The following RABGAP1L variants were observed in gnomAD, a reference collection of about 807,000 sequenced individuals.
RABGAP1L encodes rab GTPase-activating protein 1-like.
In RABGAP1L, 63 loss-of-function variants were observed where a neutral mutation model predicts 137.7. The ratio of observed to expected loss-of-function variants is 0.46; its 90% CI spans 0.37 to 0.56. The LOEUF is 0.56. Among genes scored for constraint, RABGAP1L ranks in the 20% least tolerant of loss-of-function variants. The pLI is 0.00. For missense variants in RABGAP1L, 1,095 were observed against 1,244.0 expected (o/e 0.88, Z 1.80); for synonymous variants, 431 against 433.7 (o/e 0.99, Z 0.08).
intron 13 of RABGAP1L, among the ~76,000 whole-genome samples, chr1:174,567,910 G>GTGAC (rs2148039015): frequency 6.6e-6 from 1 of 152,286 alleles, no homozygotes; most frequent in East Asian, 1.9e-4. Context: ...TATTTACTGT[G>GTGAC]TGACTTGGAA....
At chr1:174,742,802 A>G (rs962811774) in intron 17 of RABGAP1L, among the ~76,000 whole-genome samples, 1 of 151,494 alleles carries the variant, frequency 6.6e-6, no homozygotes, top group Non-Finnish European at 1.5e-5. Context: ...CCAGTATTCA[A>G]TGGCCAATGG....
chr1:174,598,526 GTA>G (rs1670156334), intron 13 of RABGAP1L, among the ~76,000 whole-genome samples: 1 of 152,100 alleles, frequency 6.6e-6, no homozygotes, highest in Admixed American at 6.5e-5. Flanking sequence ...AACTATTACT[GTA>G]TTGGGGTCTA....
In RABGAP1L at chr1:174,250,558, T is replaced by C. The variant is rs1349732278; in HGVS notation, c.801T>C (p.Pro267=). 6.2e-7 allele frequency: 1 copy of C among 1,613,938 alleles called. No individual in the cohort carries two copies. The highest frequency in any genetic ancestry group is 1.7e-5 in the Admixed American group (1 of 60,024). The change falls in exon 6 of 26, where the codon CCT becomes CCC. Residue 267 remains proline, a synonymous_variant. Transcript: ENST00000681986. The part of the protein sequence containing the change: ...QVSDVKDSVI[P]TPDSDVFTFS... ...CTGATGTTAAAGACTCAGTTATTCCTACCCCCGACAGTGATGTGTTTACCT... is the reference window on the plus strand; with the variant it reads ...CTGATGTTAAAGACTCAGTTATTCCCACCCCCGACAGTGATGTGTTTACCT...
Position 174,221,134 on chromosome 1 carries a change from CTT to C in RABGAP1L, c.302_303del (p.Leu101ProfsTer8). On this transcript the variant is annotated frameshift_variant, in exon 3 of 26. Coordinates refer to ENST00000681986, the MANE Select transcript of RABGAP1L (RefSeq NM_001366446.1). LOFTEE classifies it high-confidence loss of function. ...AGCCAGCCAAACAAATAAGCCATCT[CTT>C]CAGTTAATTTTGGATCCGTCTAACA... Reference protein sequence around the residue: ...IPASQTNKPSLQLILDPSNTE... With the variant: ...IPASQTNKPSXQLILDPSNTE... The C allele has an allele frequency of 1.2e-6, 2 of 1,612,244 alleles. No homozygotes were observed. Among genetic ancestry groups the C allele is most frequent in the Non-Finnish European group, 1.7e-6 (2 of 1,178,946 alleles).
intron 15 of RABGAP1L, among the ~76,000 whole-genome samples, chr1:174,695,817 TAGGGG>T (rs1679210658): frequency 6.6e-6 from 1 of 152,236 alleles, no homozygotes. Context: ...ATATCTGCTT[TAGGGG>T]ATGCCCCAAG....
intron 11 of RABGAP1L, among the ~76,000 whole-genome samples, chr1:174,310,882 A>T (rs1035832236): frequency 2.0e-5 from 3 of 152,152 alleles, no homozygotes; most frequent in African/African-American, 7.2e-5. Flanking sequence ...ATTCTCTCAT[A>T]TAACTCTTTG....
intron 19 of RABGAP1L, among the ~76,000 whole-genome samples, chr1:174,924,548 AT>A (rs1662391479): frequency 6.6e-6 from 1 of 152,144 alleles, no homozygotes; most frequent in South Asian, 2.1e-4. Flanking sequence ...TTCGCAGAGC[AT>A]TTAGGGTAAT....
intron 10 of RABGAP1L, among the ~76,000 whole-genome samples, chr1:174,300,911 C>T (rs1677641161): frequency 6.6e-6 from 1 of 152,142 alleles, no homozygotes; most frequent in African/African-American, 2.4e-5. Context: ...AACTGAATGA[C>T]AAGAAGGAAC....
intron 19 of RABGAP1L, among the ~76,000 whole-genome samples, chr1:174,871,835 C>G (rs1489544856): frequency 6.6e-6 from 1 of 152,158 alleles, no homozygotes; most frequent in Non-Finnish European, 1.5e-5. Flanking sequence ...TGAAGCATTA[C>G]TCATGTTTTC....
chr1:174,576,940 T>A (rs753491463), intron 13 of RABGAP1L, among the ~76,000 whole-genome samples: 1 of 152,114 alleles, frequency 6.6e-6, no homozygotes, highest in African/African-American at 2.4e-5. Context: ...CCCAGTGTTT[T>A]AGGAGGCTGA....
At chr1:174,336,503 T>C (rs1021615705) in intron 11 of RABGAP1L, among the ~76,000 whole-genome samples, 16 of 152,220 alleles carry the variant, frequency 1.1e-4, no homozygotes, top group Non-Finnish European at 4.4e-5. Context: ...GATAATCATA[T>C]AGTGCTTATG....
chr1:174,584,238 A>G (rs549604061), intron 13 of RABGAP1L, among the ~76,000 whole-genome samples: 1 of 152,246 alleles, frequency 6.6e-6, no homozygotes, highest in South Asian at 2.1e-4. Context: ...TTGCTCTCAT[A>G]TTTTTTGGCA....
chr1:174,370,864 A>G (rs1357667222), intron 11 of RABGAP1L, 115 bp from the exon 12 acceptor site: 2 of 449,228 alleles, frequency 4.5e-6, no homozygotes, highest in Non-Finnish European at 7.8e-6. Context: ...TGCATGTAAT[A>G]ATATGAAGAG....
chr1:174,396,804 A>T (rs1271001164), intron 13 of RABGAP1L, among the ~76,000 whole-genome samples: 1 of 152,096 alleles, frequency 6.6e-6, no homozygotes, highest in Admixed American at 6.6e-5. Flanking sequence ...ACCAAACACC[A>T]TGGTAGTTTT....
At chr1:174,387,283 T>G (rs1247619077) in intron 12 of RABGAP1L, among the ~76,000 whole-genome samples, 1 of 152,218 alleles carries the variant, frequency 6.6e-6, no homozygotes, top group Non-Finnish European at 1.5e-5. Context: ...TCTTGGGGAC[T>G]TTAACAGACA....
chr1:174,256,942 A>C (rs1164198434), intron 7 of RABGAP1L, among the ~76,000 whole-genome samples: 1 of 152,182 alleles, frequency 6.6e-6, no homozygotes, highest in South Asian at 2.1e-4. Flanking sequence ...TTCTCTCTAC[A>C]TTTTGTATTC....
At chr1:174,945,957 T>C (rs1666666581) in intron 19 of RABGAP1L, 1 of 152,228 alleles carries the variant, frequency 6.6e-6, no homozygotes, top group South Asian at 2.1e-4. Flanking sequence ...TATGGAATTT[T>C]AAGCAGGCTT....
intron 19 of RABGAP1L, among the ~76,000 whole-genome samples, chr1:174,833,039 GCC>G (rs1386550974): frequency 6.6e-6 from 1 of 152,052 alleles, no homozygotes; most frequent in Non-Finnish European, 1.5e-5. Flanking sequence ...AAATGACAAA[GCC>G]AAATTTTGAA....
At chr1:174,763,886 T>C (rs1685459799) in intron 18 of RABGAP1L, among the ~76,000 whole-genome samples, 1 of 150,812 alleles carries the variant, frequency 6.6e-6, no homozygotes, top group Admixed American at 6.6e-5. Flanking sequence ...TGTAGGGTTG[T>C]CACAAACTTG....
Sources: allele counts gnomAD v4.1 joint callset (sites outside exome capture counted in the v4.1 genomes callset), GRCh38; gene constraint gnomAD v4.1.1; transcripts MANE v1.5; gene names NCBI Gene and HGNC (gene_info 2026-07-23, HGNC 2026-07-21).